Variants in DLGAP1 observed in about 807,000 individuals in gnomAD.
DLGAP1 encodes the protein disks large-associated protein 1.
A neutral mutation model predicts 90.8 loss-of-function variants in DLGAP1; 11 were observed. That is an observed-to-expected ratio of 0.12 (90% CI 0.08 to 0.20). The LOEUF is 0.20. Ranked by LOEUF, DLGAP1 falls within the 10% of genes least tolerant of loss-of-function variation. The pLI is 1.00. For synonymous variants in DLGAP1, 558 were observed against 540.7 expected (o/e 1.03, Z -0.44); for missense variants, 1,050 against 1,333.8 (o/e 0.79, Z 3.31).
intron 2 of DLGAP1, among the ~76,000 whole-genome samples, chr18:4,101,776 TTAA>T (rs1186010642): frequency 6.6e-6 from 1 of 152,030 alleles, no homozygotes; most frequent in African/African-American, 2.4e-5. Context: ...ATGTATATAT[TTAA>T]TAATTATACA....
At chr18:3,888,569 C>T (rs62083560) in intron 3 of DLGAP1, among the ~76,000 whole-genome samples, 4 of 150,614 alleles carry the variant, frequency 2.7e-5, no homozygotes, top group Non-Finnish European at 5.9e-5. Context: ...AAAAAAAAAC[C>T]AACGACTCAA....
At chr18:4,050,433 G>T (rs1430205802) in intron 2 of DLGAP1, among the ~76,000 whole-genome samples, 11 of 152,134 alleles carry the variant, frequency 7.2e-5, no homozygotes, top group Admixed American at 7.2e-4. Context: ...TGCAGGATAG[G>T]TATTATTTTC....
chr18:3,934,817 C>T (rs2072597867), intron 3 of DLGAP1, among the ~76,000 whole-genome samples: 1 of 152,202 alleles, frequency 6.6e-6, no homozygotes, highest in Non-Finnish European at 1.5e-5. Context: ...AGAAAGTGTT[C>T]ATGGAGCAGT....
intron 3 of DLGAP1, among the ~76,000 whole-genome samples, chr18:3,916,885 T>C (rs2072156659): frequency 6.6e-6 from 1 of 152,352 alleles, no homozygotes; most frequent in Admixed American, 6.5e-5. Context: ...ACATACACTA[T>C]ACAGACAGTT....
chr18:3,943,542 T>G (rs962441992), intron 3 of DLGAP1, among the ~76,000 whole-genome samples: 16 of 150,550 alleles, frequency 1.1e-4, no homozygotes, highest in Admixed American at 8.6e-4. Flanking sequence ...TTTTATGAAT[T>G]TGCAAATCGG....
At chr18:3,768,352 A>G (rs1164043127) in intron 5 of DLGAP1, among the ~76,000 whole-genome samples, 2 of 152,194 alleles carry the variant, frequency 1.3e-5, no homozygotes, top group Non-Finnish European at 2.9e-5. Flanking sequence ...AAATACTCAA[A>G]AATAGGAGAA....
intron 1 of DLGAP1, among the ~76,000 whole-genome samples, chr18:4,178,263 T>C (rs1432288638): frequency 1.4e-5 from 2 of 143,088 alleles, no homozygotes; most frequent in Non-Finnish European, 3.0e-5. Context: ...ACATTAGAGA[T>C]AGGGGTCTCC....
At chr18:3,766,398 C>A (rs2147963267) in intron 5 of DLGAP1, among the ~76,000 whole-genome samples, 1 of 152,224 alleles carries the variant, frequency 6.6e-6, no homozygotes, top group Non-Finnish European at 1.5e-5. Context: ...TCAGTTACTA[C>A]CTCCCAACAA....
At chr18:4,181,040 C>T (rs756935818) in intron 1 of DLGAP1, among the ~76,000 whole-genome samples, 13 of 152,106 alleles carry the variant, frequency 8.5e-5, no homozygotes, top group Non-Finnish European at 1.9e-4. Flanking sequence ...TTTTAGTGCC[C>T]AAGTTAGATA....
chr18:4,422,130 T>C (rs1026879584), intron 1 of DLGAP1, among the ~76,000 whole-genome samples: 15 of 152,038 alleles, frequency 9.9e-5, no homozygotes, highest in African/African-American at 2.9e-4. Flanking sequence ...AAAAGAAAGG[T>C]TGAATCTAGT....
chr18:3,831,426 G>A (rs560560361), intron 4 of DLGAP1, among the ~76,000 whole-genome samples: 26 of 152,248 alleles, frequency 1.7e-4, no homozygotes, highest in African/African-American at 6.3e-4. Flanking sequence ...TCTGTGAAAT[G>A]TGGTTCCAAG....
chr18:3,745,510 G>C (rs991442214), intron 5 of DLGAP1, among the ~76,000 whole-genome samples: 10 of 152,080 alleles, frequency 6.6e-5, no homozygotes, highest in Admixed American at 6.5e-4. Context: ...AGGGAAAAGG[G>C]CTCAGTTAAG....
chr18:4,378,508 G>A lies in DLGAP1; in HGVS notation c.-267+76498C>T, dbSNP rs749433965. Among the ~76,000 whole-genome samples the A allele has an allele frequency of 2.6e-5, 4 of 152,058 alleles. No individual in the cohort carries two copies. Among genetic ancestry groups the A allele is most frequent in the Non-Finnish European group, 5.9e-5 (4 of 67,978 alleles). On this transcript the variant is annotated intron_variant, in intron 1 of 12. Coordinates refer to ENST00000315677, the MANE Select transcript of DLGAP1 (RefSeq NM_004746.4). The surrounding 1 kb of genome is among the most constrained non-coding windows in gnomAD (Gnocchi z 4.5). ...TATTGGTAAGTAGGTTTGATACCTT[G>A]AGACGAAATATCAAGATTTATCTTC... is the stretch of plus-strand genomic sequence containing the variant.
intron 2 of DLGAP1, among the ~76,000 whole-genome samples, chr18:4,087,221 T>C (rs1226371459): frequency 2.0e-5 from 3 of 151,612 alleles, no homozygotes; most frequent in Non-Finnish European, 4.4e-5. Flanking sequence ...TGGTTATATA[T>C]ATGTTGGGAA....
chr18:3,939,253 T>C (rs2148944493), intron 3 of DLGAP1, among the ~76,000 whole-genome samples: 1 of 151,842 alleles, frequency 6.6e-6, no homozygotes, highest in South Asian at 2.1e-4. Flanking sequence ...ATCCTGTCTC[T>C]ATTAAAAATA....
At chr18:4,150,832 A>C (rs1005282901) in intron 2 of DLGAP1, among the ~76,000 whole-genome samples, 4 of 152,356 alleles carry the variant, frequency 2.6e-5, no homozygotes, top group Admixed American at 2.6e-4. Context: ...ACACTATGCC[A>C]TTTACTTCCA....
intron 7 of DLGAP1, among the ~76,000 whole-genome samples, chr18:3,685,866 G>C (rs1254101776): frequency 2.6e-5 from 4 of 152,098 alleles, no homozygotes; most frequent in African/African-American, 9.7e-5. Context: ...TGATACAGTA[G>C]CAAAATTTAG....
intron 1 of DLGAP1, among the ~76,000 whole-genome samples, chr18:4,313,967 G>A (rs2080464630): frequency 6.6e-6 from 1 of 152,180 alleles, no homozygotes; most frequent in Non-Finnish European, 1.5e-5. Flanking sequence ...TCTTTGCCAT[G>A]GGGACAAGGA....
chr18:3,636,367 G>T (rs2058713623), intron 7 of DLGAP1, among the ~76,000 whole-genome samples: 2 of 151,576 alleles, frequency 1.3e-5, no homozygotes, highest in Non-Finnish European at 2.9e-5. Flanking sequence ...CCTATAGAGT[G>T]CCCAGTTCAA....
Sources: gnomAD v4.1 joint callset for allele counts (sites outside exome capture counted in the v4.1 genomes callset) on GRCh38, gnomAD v4.1.1 for gene constraint, Gnocchi (gnomAD v3.1) non-coding constraint, MANE v1.5 for transcripts, NCBI Gene and HGNC (gene_info 2026-07-23, HGNC 2026-07-21) for gene names.